Variants in ATCAY observed in about 807,000 individuals in gnomAD.
ATCAY encodes the protein ATCAY kinesin light chain interacting caytaxin.
Under a neutral mutation model 47.7 loss-of-function variants are expected in ATCAY, and 22 were observed. The observed-to-expected ratio is 0.46, with a 90% CI of 0.33 to 0.66. The LOEUF (loss-of-function observed/expected upper bound fraction) is 0.66, where lower values mean the gene tolerates loss of function less well. Ranked by LOEUF, ATCAY falls within the 30% of genes least tolerant of loss-of-function variation. ATCAY has a pLI of 0.02. For synonymous variants in ATCAY, 216 were observed against 207.6 expected (o/e 1.04, Z -0.35); for missense variants, 452 against 515.0 (o/e 0.88, Z 1.18).
chr19:3,902,586 T>G, intron 3 of ATCAY, 41 bp downstream of exon 3: 1 of 1,549,018 alleles, frequency 6.5e-7, no homozygotes, highest in Non-Finnish European at 8.7e-7. Flanking sequence ...ACAGGCTCAG[T>G]GTTTCCGGGT....
intron 12 of ATCAY, 24 bp from the exon 13 acceptor site, chr19:3,924,559 T>A: frequency 6.2e-7 from 1 of 1,613,806 alleles, no homozygotes; most frequent in South Asian, 1.1e-5. Context: ...AGCAATAACT[T>A]GGCCTGTGTC....
intron 2 of ATCAY, among the ~76,000 whole-genome samples, chr19:3,899,790 T>C (rs1340388495): frequency 1.3e-5 from 2 of 152,124 alleles, no homozygotes; most frequent in Non-Finnish European, 2.9e-5. Context: ...GTGCAAAATG[T>C]TCTGCCCGGA....
rs1043567906 is a variant in ATCAY, at chr19:3,910,981, G to A, written c.866+92G>A. On this transcript the variant is annotated intron_variant, in intron 8 of 12. Coordinates refer to ENST00000450849, the MANE Select transcript of ATCAY (RefSeq NM_033064.5). ...TGCATTTGTGTGTGCATGTGTGCAC[G>A]TGTGTGCGTGTGTGCATCTGTGTGT... is the stretch of plus-strand genomic sequence containing the variant. 2.4e-5 allele frequency: 31 copies of A among 1,310,838 alleles called. No individual in the cohort carries two copies. Among genetic ancestry groups the A allele is most frequent in the East Asian group, 4.7e-5 (2 of 43,006 alleles). 81.2% of individuals were successfully genotyped at this position (1,310,838 alleles called of 1,614,324 possible).
intron 2 of ATCAY, 74 bp downstream of exon 2, chr19:3,885,918 C>T (rs978384357): frequency 5.4e-6 from 8 of 1,478,370 alleles, no homozygotes; most frequent in Non-Finnish European, 7.4e-6. Context: ...AGGAGCGGCC[C>T]GGGTCTCTCT....
At chr19:3,890,777 C>T (rs886952814) in intron 2 of ATCAY, among the ~76,000 whole-genome samples, 1 of 152,188 alleles carries the variant, frequency 6.6e-6, no homozygotes, top group Non-Finnish European at 1.5e-5. Flanking sequence ...ACAGTGGCCT[C>T]GCTGTGCCAG....
In ATCAY at chr19:3,904,068, G is replaced by A. The variant is rs892018009; in HGVS notation, c.137-1366G>A. On this transcript the variant is annotated intron_variant, in intron 3 of 12. Coordinates refer to ENST00000450849, the MANE Select transcript of ATCAY (RefSeq NM_033064.5). Reference sequence around the variant, plus strand: ...CTCAGGAGGCTGAGGCATGAGGATCGCTTGAACCCAGGAGACGGAGGTTGC... The same window carrying A: ...CTCAGGAGGCTGAGGCATGAGGATCACTTGAACCCAGGAGACGGAGGTTGC... Among the ~76,000 whole-genome samples the A allele has an allele frequency of 3.3e-5, 5 of 151,786 alleles. No homozygotes were observed. The East Asian group carries it at 5.8e-4, about 18-fold the overall frequency.
chr19:3,924,645 CCT>C lies in ATCAY; in HGVS notation c.*56_*57del. The C allele has an allele frequency of 1.9e-6, 3 of 1,607,460 alleles. No homozygotes were observed. The highest frequency in any genetic ancestry group is 1.7e-5 in the Admixed American group (1 of 59,556). ...GAAGAAGATTCCAGATGCCAGAAAA[CCT>C]CTGTCAGACGCCCACTGGCCCCAGA... On this transcript the variant is annotated 3_prime_UTR_variant, in exon 13 of 13. Coordinates refer to ENST00000450849, the MANE Select transcript of ATCAY (RefSeq NM_033064.5).
At chr19:3,895,716 C>CTTTTTTTTTTTTTTT (rs537910730) in intron 2 of ATCAY, among the ~76,000 whole-genome samples, 16 of 129,658 alleles carry the variant, frequency 1.2e-4, no homozygotes, top group Non-Finnish European at 2.0e-4. Context: ...CTTTTCTTTT[C>CTTTTTTTTTTTTTTT]TTTTTTTTTT....
chr19:3,889,571 A>C (rs1188574024), intron 2 of ATCAY, among the ~76,000 whole-genome samples: 1 of 152,140 alleles, frequency 6.6e-6, no homozygotes, highest in Non-Finnish European at 1.5e-5. Flanking sequence ...TCCAGCCTGG[A>C]CAACAGAGCA....
Position 3,902,601 on chromosome 19 carries a change from GC to G in ATCAY, c.136+59del. The G allele has an allele frequency of 2.6e-6, 4 of 1,531,498 alleles. No homozygotes were observed. The South Asian group carries it at 4.8e-5, about 18-fold the overall frequency. 94.9% of individuals were successfully genotyped at this position (1,531,498 alleles called of 1,614,324 possible). A position where few individuals can be genotyped will look rare whatever the true frequency, so the allele number is the denominator to read the frequency against. ...ACAGGCTCAGTGTTTCCGGGTTTCA[GC>G]CCTGCCTGGGGCTGTAACTGTAGAA... is the stretch of plus-strand genomic sequence containing the variant. On this transcript the variant is annotated intron_variant, in intron 3 of 12. Transcript: ENST00000450849.
chr19:3,905,626 T>C lies in ATCAY; in HGVS notation c.329T>C (p.Leu110Pro), dbSNP rs373713438. 3.7e-6 allele frequency: 6 copies of C among 1,613,430 alleles called. No individual in the cohort carries two copies. Among genetic ancestry groups the C allele is most frequent in the African/African-American group, 2.7e-5 (2 of 74,792 alleles). Residue 110 changes from leucine to proline, a missense_variant, in exon 4 of 13, where the codon CTG becomes CCG. Coordinates refer to ENST00000450849, the MANE Select transcript of ATCAY (RefSeq NM_033064.5). ...TPDETDSLEFLGNGNELEWED... is the reference protein window; with the variant it reads ...TPDETDSLEFPGNGNELEWED... ...GATGAGACCGACTCGCTGGAGTTCCTGGGGAATGGCAACGAACTGGAGTGG... is the reference window on the plus strand; with the variant it reads ...GATGAGACCGACTCGCTGGAGTTCCCGGGGAATGGCAACGAACTGGAGTGG...
intron 2 of ATCAY, among the ~76,000 whole-genome samples, chr19:3,887,983 T>C (rs1336976251): frequency 2.0e-5 from 3 of 151,716 alleles, no homozygotes; most frequent in South Asian, 2.1e-4. Flanking sequence ...GGCATGGTGG[T>C]GCACGCCTGT....
chr19:3,896,747 C>T (rs1378474234), intron 2 of ATCAY, among the ~76,000 whole-genome samples: 2 of 152,116 alleles, frequency 1.3e-5, no homozygotes, highest in Non-Finnish European at 2.9e-5. Context: ...GAGATGGTGG[C>T]TGGACAGGGA....
At chr19:3,924,449 C>A in intron 12 of ATCAY, 134 bp from the exon 13 acceptor site, 1 of 1,052,030 alleles carries the variant, frequency 9.5e-7, no homozygotes, top group Non-Finnish European at 1.5e-6. Context: ...CCCTGAAGGG[C>A]ATGTGCCACT....
chr19:3,881,450 G>A (rs1444713241), intron 1 of ATCAY, among the ~76,000 whole-genome samples: 1 of 152,010 alleles, frequency 6.6e-6, no homozygotes, highest in Non-Finnish European at 1.5e-5. Context: ...GAGGAAGGGG[G>A]TGGTTTATGG....
In ATCAY at chr19:3,908,251, C is replaced by T. The variant is rs759970702; in HGVS notation, c.545-17C>T. The T allele has an allele frequency of 7.7e-6, 12 of 1,558,226 alleles. No individual in the cohort carries two copies. The highest frequency in any genetic ancestry group is 2.7e-5 in the African/African-American group (2 of 73,410). ...GGGAGAGGACTCTGACGTTGCCGAT[C>T]GGCTGCCTCTCCTCAGGGTACTACG... On this transcript the variant is annotated splice_polypyrimidine_tract_variant and intron_variant, in intron 5 of 12. Coordinates refer to ENST00000450849, the MANE Select transcript of ATCAY (RefSeq NM_033064.5).
In ATCAY at chr19:3,925,716, G is replaced by A. The variant is rs1353017080; in HGVS notation, c.*1124G>A. ...GCTCCCTGTCTCTGGAAGTATTTAAGAAAAGGCTGGGCCAGGCACGATGGC... is the reference window on the plus strand; with the variant it reads ...GCTCCCTGTCTCTGGAAGTATTTAAAAAAAGGCTGGGCCAGGCACGATGGC... On this transcript the variant is annotated 3_prime_UTR_variant, in exon 13 of 13. Transcript: ENST00000450849. The surrounding 1 kb of genome is among the most constrained non-coding windows in gnomAD (Gnocchi z 4.4). The A allele has an allele frequency of 6.6e-6, 1 of 152,272 alleles. No homozygotes were observed. The highest frequency in any genetic ancestry group is 1.5e-5 in the Non-Finnish European group (1 of 68,084). 9.4% of individuals were successfully genotyped at this position (152,272 alleles called of 1,614,324 possible). A position where few individuals can be genotyped will look rare whatever the true frequency, so the allele number is the denominator to read the frequency against.
At chr19:3,914,994 C>T (rs979351528) in intron 9 of ATCAY, among the ~76,000 whole-genome samples, 8 of 151,804 alleles carry the variant, frequency 5.3e-5, no homozygotes, top group African/African-American at 1.7e-4. Flanking sequence ...AGGGACCCCC[C>T]GGAGCTTGGG....
At chr19:3,910,309 T>G (rs924308487) in intron 7 of ATCAY, among the ~76,000 whole-genome samples, 2 of 152,176 alleles carry the variant, frequency 1.3e-5, no homozygotes, top group Non-Finnish European at 2.9e-5. Flanking sequence ...CTGCATAATA[T>G]TCCACTGTAT....
Sources: gnomAD v4.1 joint callset for allele counts (sites outside exome capture counted in the v4.1 genomes callset) on GRCh38, gnomAD v4.1.1 for gene constraint, Gnocchi (gnomAD v3.1) non-coding constraint, MANE v1.5 for transcripts, NCBI Gene and HGNC (gene_info 2026-07-23, HGNC 2026-07-21) for gene names.